Variants in APBA2 observed in about 807,000 individuals in gnomAD.
The protein encoded by APBA2 is amyloid beta precursor protein binding family A member 2.
In APBA2, 30 loss-of-function variants were observed where a neutral mutation model predicts 75.0. That is an observed-to-expected ratio of 0.40 (90% CI 0.30 to 0.54). The LOEUF (loss-of-function observed/expected upper bound fraction) is 0.54, where lower values mean the gene tolerates loss of function less well. Among genes scored for constraint, APBA2 ranks in the 20% least tolerant of loss-of-function variants. APBA2 has a pLI of 0.49. For missense variants in APBA2, 801 were observed against 1,016.1 expected (o/e 0.79, Z 2.88); for synonymous variants, 444 against 409.6 (o/e 1.08, Z -1.01).
rs371330556 is a variant in APBA2, at chr15:28,989,578, C to A, written c.-94-6175C>A. Among the ~76,000 whole-genome samples the A allele has an allele frequency of 3.3e-5, 5 of 152,234 alleles. No homozygotes were observed. The East Asian group carries it at 9.6e-4, about 29-fold the overall frequency. On this transcript the variant is annotated intron_variant, in intron 2 of 14. Coordinates refer to ENST00000683413, the MANE Select transcript of APBA2 (RefSeq NM_001353788.2). The stretch of plus-strand genomic sequence containing the variant: ...CTGGCTCCCGGTCTCCTGGGTGGCC[C>A]TGCTTCCATCCCTGAGCTGCCTGAA...
intron 1 of APBA2, among the ~76,000 whole-genome samples, chr15:28,905,706 A>T (rs2033098815): frequency 6.6e-6 from 1 of 152,090 alleles, no homozygotes; most frequent in African/African-American, 2.4e-5. Flanking sequence ...TCTCTGTTTT[A>T]AAAATGCTGT....
chr15:28,966,122 G>A lies in APBA2; in HGVS notation c.-94-29631G>A, dbSNP rs1029914751. On this transcript the variant is annotated intron_variant, in intron 2 of 14. Coordinates refer to ENST00000683413, the MANE Select transcript of APBA2 (RefSeq NM_001353788.2). ...GCTTTTTTTTGTGACCCAGGATATG[G>A]TCTATCTGAGTGTATGTTCCATGGA... 1.7e-4 allele frequency among the ~76,000 whole-genome samples: 26 copies of A among 152,040 alleles called. 1 individual carries two copies. The highest frequency in any genetic ancestry group is 1.4e-3 in the Admixed American group (21 of 15,266).
At chr15:29,045,838 T>A (rs1265275285) in intron 3 of APBA2, among the ~76,000 whole-genome samples, 1 of 152,196 alleles carries the variant, frequency 6.6e-6, no homozygotes, top group Non-Finnish European at 1.5e-5. Context: ...TGGGAAGTAA[T>A]GTGCCCTCAG....
At chr15:28,936,406 C>A (rs1024473949) in intron 2 of APBA2, among the ~76,000 whole-genome samples, 10 of 152,212 alleles carry the variant, frequency 6.6e-5, no homozygotes, top group Admixed American at 1.3e-4. Flanking sequence ...AGCAGAGCAC[C>A]CAGGCCCAGG....
chr15:28,952,880 C>T (rs886444074), intron 2 of APBA2, among the ~76,000 whole-genome samples: 1 of 152,190 alleles, frequency 6.6e-6, no homozygotes, highest in Non-Finnish European at 1.5e-5. Flanking sequence ...TAATGTAGAG[C>T]AATGATGTGA....
At chr15:29,017,397 C>CTTTTTTTTTTTTTTTTTTTTTTTTTT (rs56993296) in intron 3 of APBA2, among the ~76,000 whole-genome samples, 1 of 102,086 alleles carries the variant, frequency 9.8e-6, no homozygotes, top group African/African-American at 4.5e-5. Flanking sequence ...TTCTTTCTTT[C>CTTTTTTTTTTTTTTTTTTTTTTTTTT]TTTTTTTTTT....
chr15:28,934,062 G>A (rs1319631863), intron 2 of APBA2, among the ~76,000 whole-genome samples: 1 of 151,926 alleles, frequency 6.6e-6, no homozygotes, highest in African/African-American at 2.4e-5. Flanking sequence ...CCTTCCGCCT[G>A]GTCTCTAAAC....
intron 1 of APBA2, among the ~76,000 whole-genome samples, chr15:28,892,639 A>ATATG (rs1567411434): frequency 6.7e-6 from 1 of 149,880 alleles, no homozygotes; most frequent in East Asian, 1.9e-4. Context: ...CTGTGTGTAT[A>ATATG]TGTGTGTGTG....
chr15:28,992,646 C>T (rs903395941), intron 2 of APBA2, among the ~76,000 whole-genome samples: 1 of 152,174 alleles, frequency 6.6e-6, no homozygotes, highest in Admixed American at 6.5e-5. Context: ...GGATTCTGGG[C>T]TAGTCTAGGC....
chr15:29,080,722 G>T (rs988820460), intron 6 of APBA2, among the ~76,000 whole-genome samples: 1 of 152,162 alleles, frequency 6.6e-6, no homozygotes, highest in African/African-American at 2.4e-5. Context: ...ACTGCCTCTG[G>T]ATGAGTATAT....
At chr15:29,052,574 T>TGCCTCTA (rs1163975755) in intron 3 of APBA2, among the ~76,000 whole-genome samples, 4 of 152,096 alleles carry the variant, frequency 2.6e-5, no homozygotes, top group Admixed American at 1.3e-4. Flanking sequence ...CTGGTCTCCC[T>TGCCTCTA]GCCTCTAGCC....
At chr15:28,940,538 G>T (rs1297120262) in intron 2 of APBA2, among the ~76,000 whole-genome samples, 1 of 148,330 alleles carries the variant, frequency 6.7e-6, no homozygotes, top group Admixed American at 6.7e-5. Flanking sequence ...GGGTGACAGA[G>T]CGAGACTCTG....
intron 2 of APBA2, among the ~76,000 whole-genome samples, chr15:28,972,810 C>T (rs911539748): frequency 1.3e-5 from 2 of 152,148 alleles, no homozygotes; most frequent in Admixed American, 6.6e-5. Flanking sequence ...ACTGAAAGTC[C>T]GTCTGCTTTT....
chr15:28,945,674 C>G (rs113002292), intron 2 of APBA2, among the ~76,000 whole-genome samples: 17,135 of 151,952 alleles, frequency 0.11, 1,881 homozygotes, highest in East Asian at 0.33. Flanking sequence ...GCCTGCCCCC[C>G]GCCTGGCTAA....
At chr15:29,048,385 A>G (rs1440382690) in intron 3 of APBA2, among the ~76,000 whole-genome samples, 1 of 152,228 alleles carries the variant, frequency 6.6e-6, no homozygotes, top group East Asian at 1.9e-4. Flanking sequence ...TTTATAACTT[A>G]AAGTTACTCC....
chr15:28,889,183 C>T (rs1265965065), intron 1 of APBA2, among the ~76,000 whole-genome samples: 1 of 152,192 alleles, frequency 6.6e-6, no homozygotes, highest in Non-Finnish European at 1.5e-5. Flanking sequence ...CAGGCTGAGT[C>T]AGCTGTCGTG....
chr15:28,943,898 C>T (rs1041936292), intron 2 of APBA2, among the ~76,000 whole-genome samples: 2 of 152,152 alleles, frequency 1.3e-5, no homozygotes, highest in Admixed American at 1.3e-4. Context: ...TCCCAGAGGG[C>T]CCCCTTTGTC....
intron 2 of APBA2, among the ~76,000 whole-genome samples, chr15:28,994,739 G>T (rs1449702699): frequency 6.6e-6 from 1 of 152,184 alleles, no homozygotes; most frequent in East Asian, 1.9e-4. Context: ...TGAAGACGCT[G>T]AGTAGACTAA....
At chr15:28,959,866 G>C (rs528050749) in intron 2 of APBA2, among the ~76,000 whole-genome samples, 29 of 152,304 alleles carry the variant, frequency 1.9e-4, no homozygotes, top group African/African-American at 6.0e-4. Flanking sequence ...CTTTGAGGCT[G>C]GGTGTGGGAG....
Sources: gnomAD v4.1 joint callset for allele counts (sites outside exome capture counted in the v4.1 genomes callset) on GRCh38, gnomAD v4.1.1 for gene constraint, MANE v1.5 for transcripts, NCBI Gene and HGNC (gene_info 2026-07-23, HGNC 2026-07-21) for gene names.